Variants in RIMS2 observed in about 807,000 individuals in gnomAD.
The protein encoded by RIMS2 is regulating synaptic membrane exocytosis protein 2.
In RIMS2, 59 loss-of-function variants were observed where a neutral mutation model predicts 174.4. The observed-to-expected ratio is 0.34, with a 90% CI of 0.27 to 0.42. The LOEUF (loss-of-function observed/expected upper bound fraction) is 0.42. Ranked by LOEUF, RIMS2 falls within the 10% of genes least tolerant of loss-of-function variation. RIMS2 has a pLI of 1.00. For synonymous variants in RIMS2, 606 were observed against 572.5 expected, an observed-to-expected ratio of 1.06 and a Z score of -0.84; for missense variants, 1,620 against 1,666.3, an observed-to-expected ratio of 0.97 and a Z score of 0.48.
At chr8:104,100,578 T>C (rs1297782428) in intron 19 of RIMS2, among the ~76,000 whole-genome samples, 1 of 151,966 alleles carries the variant, frequency 6.6e-6, no homozygotes, top group Non-Finnish European at 1.5e-5. Flanking sequence ...ACATTAGCTA[T>C]CCAAGCATTT....
chr8:104,073,322 C>T (rs1392393049), intron 19 of RIMS2, among the ~76,000 whole-genome samples: 1 of 151,940 alleles, frequency 6.6e-6, no homozygotes, highest in Non-Finnish European at 1.5e-5. Context: ...TTAAATGTTC[C>T]CACAAGCTAT....
intron 3 of RIMS2, among the ~76,000 whole-genome samples, chr8:103,786,082 T>C (rs1362416570): frequency 1.3e-5 from 2 of 152,156 alleles, no homozygotes; most frequent in African/African-American, 4.8e-5. Flanking sequence ...TATTCTCTGA[T>C]GGTAGTTTGT....
chr8:104,118,944 A>T (rs1251329402), intron 19 of RIMS2, among the ~76,000 whole-genome samples: 1 of 152,030 alleles, frequency 6.6e-6, no homozygotes, highest in African/African-American at 2.4e-5. Flanking sequence ...TTATGACCTA[A>T]TTACCTCCCA....
chr8:103,884,388 CT>C (rs1233255682), intron 3 of RIMS2, among the ~76,000 whole-genome samples: 1 of 151,806 alleles, frequency 6.6e-6, no homozygotes, highest in Non-Finnish European at 1.5e-5. Flanking sequence ...AATCCTATTG[CT>C]TTTCATGATT....
At chr8:104,059,152 C>A (rs1368512825) in intron 19 of RIMS2, among the ~76,000 whole-genome samples, 6 of 151,674 alleles carry the variant, frequency 4.0e-5, no homozygotes, top group African/African-American at 1.5e-4. Flanking sequence ...CTATAAATTA[C>A]CTTGGGCAGT....
chr8:104,130,672 T>C (rs1566588767), intron 19 of RIMS2, among the ~76,000 whole-genome samples: 1 of 152,164 alleles, frequency 6.6e-6, no homozygotes, highest in Non-Finnish European at 1.5e-5. Flanking sequence ...TAATTTCACA[T>C]TACTGAGGAA....
At chr8:104,136,574 A>G (rs1459354084) in intron 19 of RIMS2, among the ~76,000 whole-genome samples, 3 of 152,218 alleles carry the variant, frequency 2.0e-5, no homozygotes, top group Non-Finnish European at 4.4e-5. Context: ...TAGACTGTAT[A>G]AAGAAAATGT....
At chr8:103,911,221 T>G (rs969206496) in intron 5 of RIMS2, among the ~76,000 whole-genome samples, 34 of 152,290 alleles carry the variant, frequency 2.2e-4, no homozygotes, top group African/African-American at 8.2e-4. Context: ...GAAACTATGA[T>G]TACACAAATC....
chr8:103,819,636 A>G (rs2098739369), intron 3 of RIMS2: 1 of 1,589,308 alleles, frequency 6.3e-7, no homozygotes, highest in African/African-American at 1.4e-5. Flanking sequence ...CAAGGTGAGT[A>G]GAGCCAAACT....
At chr8:103,516,816 G>A (rs1189559014) in intron 1 of RIMS2, among the ~76,000 whole-genome samples, 1 of 145,544 alleles carries the variant, frequency 6.9e-6, no homozygotes, top group Non-Finnish European at 1.5e-5. Flanking sequence ...CAATGGGAAG[G>A]TCGGGGAGAG....
At chr8:103,664,790 G>A (rs2096648019) in intron 1 of RIMS2, among the ~76,000 whole-genome samples, 1 of 152,088 alleles carries the variant, frequency 6.6e-6, no homozygotes, top group Non-Finnish European at 1.5e-5. Flanking sequence ...AAGCCCAAAG[G>A]ATTATAAATC....
intron 1 of RIMS2, among the ~76,000 whole-genome samples, chr8:103,577,412 A>G (rs570283659): frequency 6.6e-6 from 1 of 152,314 alleles, no homozygotes; most frequent in Non-Finnish European, 1.5e-5. Flanking sequence ...TGGGAGTTGA[A>G]CAGTGAGAAC....
chr8:103,650,918 G>A (rs1458145258), intron 1 of RIMS2, among the ~76,000 whole-genome samples: 9 of 152,192 alleles, frequency 5.9e-5, no homozygotes, highest in African/African-American at 1.9e-4. Flanking sequence ...TGTAAGTGGG[G>A]CCCACAGAAT....
chr8:103,973,515 A>G (rs1010966960), intron 15 of RIMS2, among the ~76,000 whole-genome samples: 1 of 152,212 alleles, frequency 6.6e-6, no homozygotes, highest in African/African-American at 2.4e-5. Context: ...TTTACTATAT[A>G]ATAGGAGTCT....
intron 1 of RIMS2, among the ~76,000 whole-genome samples, chr8:103,620,841 T>C (rs1428451270): frequency 6.6e-6 from 1 of 152,180 alleles, no homozygotes; most frequent in Non-Finnish European, 1.5e-5. Flanking sequence ...AAATTTTCTT[T>C]TCAAAATTTA....
chr8:104,030,509 C>T (rs1034791575), intron 19 of RIMS2, among the ~76,000 whole-genome samples: 1 of 152,176 alleles, frequency 6.6e-6, no homozygotes, highest in African/African-American at 2.4e-5. Context: ...TAAGGCCCTA[C>T]ATGACCTGTG....
rs148087575 is a variant in RIMS2, at chr8:103,863,969, C to T, written c.699-21329C>T. Reference sequence around the variant, plus strand: ...TGTCGTCCAGGCAGGAGTGCGGTGGCGCGACCTTGGCTCACTGCAACCTCC... The same window carrying T: ...TGTCGTCCAGGCAGGAGTGCGGTGGTGCGACCTTGGCTCACTGCAACCTCC... On this transcript the variant is annotated intron_variant, in intron 3 of 23. Transcript: ENST00000504942. Among the ~76,000 whole-genome samples the T allele has an allele frequency of 7.4e-5, 11 of 148,950 alleles. No homozygotes were observed. The East Asian group carries it at 2.2e-3, about 29-fold the overall frequency.
intron 2 of RIMS2, among the ~76,000 whole-genome samples, chr8:103,742,984 T>A (rs764612584): frequency 2.6e-5 from 4 of 152,194 alleles, no homozygotes; most frequent in Non-Finnish European, 5.9e-5. Context: ...ACAGGCTTTT[T>A]AAGGTCTGAT....
intron 16 of RIMS2, among the ~76,000 whole-genome samples, chr8:103,981,664 T>C (rs529240489): frequency 1.1e-4 from 17 of 152,240 alleles, no homozygotes; most frequent in African/African-American, 4.1e-4. Context: ...TTCCAAATTT[T>C]TTGATAAATT....
Sources: gnomAD v4.1 joint callset for allele counts (sites outside exome capture counted in the v4.1 genomes callset) on GRCh38, gnomAD v4.1.1 for gene constraint, MANE v1.5 for transcripts, NCBI Gene and HGNC (gene_info 2026-07-23, HGNC 2026-07-21) for gene names.